Variants in CREB1 observed in about 807,000 individuals in gnomAD.
CREB1 encodes cyclic AMP-responsive element-binding protein 1.
Under a neutral mutation model 42.0 loss-of-function variants are expected in CREB1, and 2 were observed. That is an observed-to-expected ratio of 0.05 (90% CI 0.02 to 0.15). CREB1 has a LOEUF of 0.15. Ranked by LOEUF, CREB1 falls within the 10% of genes least tolerant of loss-of-function variation. The pLI, the probability that CREB1 is intolerant of heterozygous loss-of-function variation, is 1.00. For missense variants in CREB1, 199 were observed against 388.9 expected, an observed-to-expected ratio of 0.51 and a Z score of 4.11; for synonymous variants, 123 against 139.9, an observed-to-expected ratio of 0.88 and a Z score of 0.85.
rs773481915 is a variant in CREB1 at position 207,605,727 on chromosome 2, G to A, written c.*8669G>A. 7.9e-5 allele frequency among the ~76,000 whole-genome samples: 12 copies of A among 152,122 alleles called. No individual in the cohort carries two copies. Among genetic ancestry groups the A allele is most frequent in the Non-Finnish European group, 1.5e-4 (10 of 68,026 alleles). ...ATACAGTTTAACCAGTCCTCTTCTG[G>A]GGACATTTGGCTGTTTGAAATTTTT... On this transcript the variant is annotated 3_prime_UTR_variant, in exon 8 of 8. Transcript: ENST00000353267.
chr2:207,561,062 C>T (rs1160643425), intron 3 of CREB1: 16 of 1,472,808 alleles, frequency 1.1e-5, no homozygotes, highest in Admixed American at 1.7e-5. Flanking sequence ...AAGACTTGAA[C>T]GTTCATTCAA....
intron 6 of CREB1, chr2:207,576,654 A>G: frequency 7.7e-7 from 1 of 1,291,758 alleles, no homozygotes; most frequent in Non-Finnish European, 1.0e-6. Flanking sequence ...GTAAAGCAGG[A>G]TGTCAGTGAA....
chr2:207,567,106 C>G (rs2551920), intron 3 of CREB1, among the ~76,000 whole-genome samples: 23,656 of 151,852 alleles, frequency 0.16, 2,035 homozygotes, highest in Middle Eastern at 0.2. Flanking sequence ...AGACTTAGGA[C>G]CAAATATTTA....
At chr2:207,592,348 A>C (rs1297893130) in intron 7 of CREB1, among the ~76,000 whole-genome samples, 7 of 152,278 alleles carry the variant, frequency 4.6e-5, no homozygotes, top group Admixed American at 6.5e-5. Flanking sequence ...CAGAGGTTGC[A>C]GTAGCCCAGA....
At chr2:207,540,699 GA>G (rs1411514823) in intron 1 of CREB1, among the ~76,000 whole-genome samples, 1 of 75,772 alleles carries the variant, frequency 1.3e-5, no homozygotes, top group Non-Finnish European at 2.9e-5. Context: ...AAAAAAAAAG[GA>G]AAAAACCTTA....
chr2:207,540,669 TAAAAAAAAAAAAAAAA>T (rs35714520), intron 1 of CREB1, among the ~76,000 whole-genome samples: 2 of 64,268 alleles, frequency 3.1e-5, no homozygotes, highest in Non-Finnish European at 2.6e-5. Context: ...GTTTAAAAAG[TAAAAAAAAAAAAAAAA>T]AAAAAAAAAA....
At chr2:207,586,867 CA>C (rs1267976092) in intron 7 of CREB1, among the ~76,000 whole-genome samples, 1 of 152,146 alleles carries the variant, frequency 6.6e-6, no homozygotes, top group African/African-American at 2.4e-5. Context: ...TGGTTATTAT[CA>C]AAAAGACAAG....
chr2:207,573,424 G>A (rs2082450184), intron 5 of CREB1, among the ~76,000 whole-genome samples: 1 of 152,192 alleles, frequency 6.6e-6, no homozygotes, highest in African/African-American at 2.4e-5. Flanking sequence ...TTAGAGAAGA[G>A]AGAACAGAAT....
chr2:207,531,446 G>A (rs751078401), intron 1 of CREB1, among the ~76,000 whole-genome samples: 1 of 152,176 alleles, frequency 6.6e-6, no homozygotes, highest in African/African-American at 2.4e-5. Context: ...CGCCTGTTGG[G>A]AAAAGAGGAC....
intron 2 of CREB1, among the ~76,000 whole-genome samples, chr2:207,558,623 T>A (rs1461389082): frequency 1.3e-5 from 2 of 151,950 alleles, no homozygotes; most frequent in Admixed American, 1.3e-4. Context: ...ATATATATCT[T>A]TCACACTGCC....
chr2:207,536,239 T>C (rs1019186813), intron 1 of CREB1, among the ~76,000 whole-genome samples: 1 of 152,172 alleles, frequency 6.6e-6, no homozygotes, highest in Admixed American at 6.5e-5. Context: ...CAAATCTCTT[T>C]CCAGAAAACA....
intron 3 of CREB1, among the ~76,000 whole-genome samples, chr2:207,560,813 A>T (rs1171913963): frequency 6.6e-6 from 1 of 152,256 alleles, no homozygotes; most frequent in Non-Finnish European, 1.5e-5. Flanking sequence ...CATTTGTAAA[A>T]TCAGCTGTGC....
chr2:207,551,959 T>C (rs1161964230), intron 1 of CREB1, among the ~76,000 whole-genome samples: 2 of 145,024 alleles, frequency 1.4e-5, no homozygotes, highest in Non-Finnish European at 3.0e-5. Context: ...AGAGGATTGC[T>C]TGAACCTGGG....
At chr2:207,541,496 C>T (rs567482257) in intron 1 of CREB1, among the ~76,000 whole-genome samples, 1 of 152,190 alleles carries the variant, frequency 6.6e-6, no homozygotes, top group East Asian at 1.9e-4. Flanking sequence ...CAGTACAATA[C>T]CATGCTGTAT....
intron 6 of CREB1, chr2:207,577,200 GCCCC>G: frequency 9.0e-7 from 1 of 1,107,834 alleles, no homozygotes. Flanking sequence ...TCCAAGCTGT[GCCCC>G]ACTTACCTTT....
intron 7 of CREB1, among the ~76,000 whole-genome samples, chr2:207,586,042 A>G (rs553460152): frequency 7.9e-5 from 12 of 152,300 alleles, no homozygotes; most frequent in African/African-American, 2.4e-4. Flanking sequence ...CAGTTTATCC[A>G]AAAAGGCCTT....
chr2:207,538,421 C>G (rs766972309), intron 1 of CREB1, among the ~76,000 whole-genome samples: 2 of 152,048 alleles, frequency 1.3e-5, no homozygotes, highest in Non-Finnish European at 2.9e-5. Flanking sequence ...CAGTAGTACT[C>G]CTTGATGAAC....
intron 1 of CREB1, among the ~76,000 whole-genome samples, chr2:207,533,978 T>A (rs1291383883): frequency 6.6e-6 from 1 of 152,212 alleles, no homozygotes; most frequent in Admixed American, 6.5e-5. Flanking sequence ...TACTACTACT[T>A]ATTTCATAAG....
intron 7 of CREB1, chr2:207,581,234 A>T (rs1286463366): frequency 4.9e-6 from 1 of 204,298 alleles, no homozygotes; most frequent in East Asian, 7.6e-5. Flanking sequence ...GAGTTGAGGG[A>T]TATAAATAGG....
Sources: gnomAD v4.1 joint callset for allele counts (sites outside exome capture counted in the v4.1 genomes callset) on GRCh38, gnomAD v4.1.1 for gene constraint, MANE v1.5 for transcripts, NCBI Gene and HGNC (gene_info 2026-07-23, HGNC 2026-07-21) for gene names.